SCHIP1: variants seen among roughly 807,000 people sequenced by gnomAD.
The protein encoded by SCHIP1 is schwannomin interacting protein 1, also known as schwannomin-interacting protein 1.
SCHIP1 carries 8 observed loss-of-function variants against 29.7 expected under a neutral mutation model. The ratio of observed to expected loss-of-function variants is 0.27; its 90% CI spans 0.16 to 0.49. SCHIP1 has a LOEUF of 0.49. SCHIP1 is among the 20% of genes least tolerant of loss of function. The pLI is 0.99. For missense variants in SCHIP1, 193 were observed against 294.6 expected (o/e 0.66, Z 2.52); for synonymous variants, 76 against 94.9 (o/e 0.80, Z 1.16).
chr3:159,518,806 C>A, the SCHIP1 span, among the ~76,000 whole-genome samples: 16 of 151,970 alleles, frequency 1.1e-4, no homozygotes, highest in Non-Finnish European at 4.4e-5. Context: ...ATGAAAATAT[C>A]TTTCTATGCA....
At chr3:159,402,572 A>C in the SCHIP1 span, among the ~76,000 whole-genome samples, 16 of 152,338 alleles carry the variant, frequency 1.1e-4, no homozygotes, top group African/African-American at 3.8e-4. Flanking sequence ...AAAATGTGGC[A>C]CATATACACC....
At chr3:159,410,918 A>C in the SCHIP1 span, among the ~76,000 whole-genome samples, 13 of 152,180 alleles carry the variant, frequency 8.5e-5, 1 homozygote, top group Admixed American at 8.5e-4. Context: ...TGTGGTACTT[A>C]TGCACCATGG....
chr3:159,866,397 A>G, intron 2 of SCHIP1, 116 bp downstream of exon 3: 4 of 905,114 alleles, frequency 4.4e-6, no homozygotes. Context: ...CCCTCGCATA[A>G]TACTGCCATC....
At chr3:159,308,881 G>A in the SCHIP1 span, among the ~76,000 whole-genome samples, 1 of 152,080 alleles carries the variant, frequency 6.6e-6, no homozygotes, top group African/African-American at 2.4e-5. Flanking sequence ...TGGAGCTGGA[G>A]GCCATAATCC....
chr3:159,356,208 TAAAAAAA>T, the SCHIP1 span, among the ~76,000 whole-genome samples: 1 of 144,710 alleles, frequency 6.9e-6, no homozygotes. Context: ...TAAAGTATAA[TAAAAAAA>T]AAAAGAAAAA....
the SCHIP1 span, among the ~76,000 whole-genome samples, chr3:159,633,312 G>A: frequency 1.2e-4 from 18 of 152,262 alleles, no homozygotes; most frequent in African/African-American, 3.8e-4. Flanking sequence ...AAAAGCCAGA[G>A]GGTGACATGT....
At chr3:159,824,559 C>T in the SCHIP1 span, among the ~76,000 whole-genome samples, 1 of 152,216 alleles carries the variant, frequency 6.6e-6, no homozygotes, top group South Asian at 2.1e-4. Context: ...TTTCTAGGTT[C>T]AGCAGGGCCA....
At chr3:159,330,944 A>C in the SCHIP1 span, among the ~76,000 whole-genome samples, 10 of 152,076 alleles carry the variant, frequency 6.6e-5, no homozygotes, top group Admixed American at 6.5e-4. Context: ...ACTAACTCCT[A>C]TATGTAGGAG....
the SCHIP1 span, among the ~76,000 whole-genome samples, chr3:159,340,069 ACT>A: frequency 6.6e-6 from 1 of 152,170 alleles, no homozygotes; most frequent in African/African-American, 2.4e-5. Flanking sequence ...GACCTAATCA[ACT>A]CTCAGTTGCT....
chr3:159,356,347 T>C, the SCHIP1 span, among the ~76,000 whole-genome samples: 1 of 152,182 alleles, frequency 6.6e-6, no homozygotes, highest in African/African-American at 2.4e-5. Context: ...ATTTTGGCCA[T>C]GCCTATCTGT....
At chr3:159,758,645 A>G in the SCHIP1 span, among the ~76,000 whole-genome samples, 11 of 152,234 alleles carry the variant, frequency 7.2e-5, no homozygotes, top group Non-Finnish European at 1.5e-4. Flanking sequence ...TTTCCTACCA[A>G]TGGAATTCTT....
the SCHIP1 span, among the ~76,000 whole-genome samples, chr3:159,354,733 T>G: frequency 6.6e-6 from 1 of 152,048 alleles, no homozygotes; most frequent in Non-Finnish European, 1.5e-5. Context: ...ACTAGGAGGG[T>G]TAGCATTTTT....
chr3:159,692,614 A>G, the SCHIP1 span, among the ~76,000 whole-genome samples: 30 of 152,334 alleles, frequency 2.0e-4, 1 homozygote, highest in South Asian at 4.1e-3. Flanking sequence ...TATTCTAGTT[A>G]GCAATTCCTC....
the SCHIP1 span, among the ~76,000 whole-genome samples, chr3:159,410,607 A>G: frequency 6.6e-6 from 1 of 152,094 alleles, no homozygotes; most frequent in Non-Finnish European, 1.5e-5. Context: ...AATGTCCTTT[A>G]TCCAAAGATA....
the SCHIP1 span, chr3:159,273,692 T>TA: frequency 6.8e-7 from 1 of 1,471,924 alleles, no homozygotes; most frequent in South Asian, 1.4e-5. Context: ...ACTTATTTAG[T>TA]GTGTGTTATA....
chr3:159,525,008 C>T, the SCHIP1 span, among the ~76,000 whole-genome samples: 1 of 152,170 alleles, frequency 6.6e-6, no homozygotes, highest in East Asian at 1.9e-4. Context: ...GAAACCTTCC[C>T]ACCTCCAGGC....
chr3:159,737,457 T>C, the SCHIP1 span, among the ~76,000 whole-genome samples: 1 of 152,188 alleles, frequency 6.6e-6, no homozygotes, highest in Non-Finnish European at 1.5e-5. Flanking sequence ...ACAATAAATC[T>C]CACTGTAGTG....
intron 2 of SCHIP1, among the ~76,000 whole-genome samples, chr3:159,875,541 A>G (rs1715714479): frequency 6.6e-6 from 1 of 152,216 alleles, no homozygotes; most frequent in Admixed American, 6.5e-5. Flanking sequence ...ATCATCTTTG[A>G]CAAGCTATGA....
chr3:159,645,707 G>A, the SCHIP1 span, among the ~76,000 whole-genome samples: 3 of 152,026 alleles, frequency 2.0e-5, no homozygotes, highest in East Asian at 3.9e-4. Flanking sequence ...TTGTGTCCAT[G>A]CCCATAGAGT....
Sources: gnomAD v4.1 joint callset for allele counts (sites outside exome capture counted in the v4.1 genomes callset) on GRCh38, gnomAD v4.1.1 for gene constraint, MANE v1.5 for transcripts, NCBI Gene and HGNC (gene_info 2026-07-23, HGNC 2026-07-21) for gene names.